The following FCHSD2 variants were observed in gnomAD, a reference collection of about 807,000 sequenced individuals.
FCHSD2 encodes the protein F-BAR and double SH3 domains protein 2.
FCHSD2 carries 38 observed loss-of-function variants against 108.1 expected under a neutral mutation model. The ratio of observed to expected loss-of-function variants is 0.35; its 90% CI spans 0.27 to 0.46. The LOEUF (loss-of-function observed/expected upper bound fraction) is 0.46, where lower values mean the gene tolerates loss of function less well. Among genes scored for constraint, FCHSD2 ranks in the 20% least tolerant of loss-of-function variants. The pLI, the probability that FCHSD2 is intolerant of heterozygous loss-of-function variation, is 1.00. For missense variants in FCHSD2, 751 were observed against 897.8 expected (o/e 0.84, Z 2.09); for synonymous variants, 279 against 314.7 (o/e 0.89, Z 1.20).
At chr11:72,977,542 C>A (rs1407573616) in intron 8 of FCHSD2, among the ~76,000 whole-genome samples, 1 of 152,160 alleles carries the variant, frequency 6.6e-6, no homozygotes, top group African/African-American at 2.4e-5. Context: ...TCATCACTGG[C>A]CATCAGAGAA....
intron 13 of FCHSD2, among the ~76,000 whole-genome samples, 157 bp downstream of exon 13, chr11:72,867,708 A>AT (rs1209600429): frequency 6.6e-6 from 1 of 152,188 alleles, no homozygotes; most frequent in East Asian, 1.9e-4. Flanking sequence ...TCCCGCAATA[A>AT]TTTTAAATCA....
At chr11:73,042,990 C>T (rs957680089) in intron 3 of FCHSD2, among the ~76,000 whole-genome samples, 2 of 152,086 alleles carry the variant, frequency 1.3e-5, no homozygotes, top group Non-Finnish European at 2.9e-5. Flanking sequence ...GAGGTCATGT[C>T]ATCTGCAAAG....
chr11:72,905,777 T>C (rs1855616498), intron 9 of FCHSD2, among the ~76,000 whole-genome samples: 1 of 152,226 alleles, frequency 6.6e-6, no homozygotes, highest in African/African-American at 2.4e-5. Context: ...CTCACCCCTT[T>C]TTATGGCTGC....
chr11:72,843,717 A>G, intron 14 of FCHSD2, 185 bp from the exon 15 acceptor site: 1 of 580,210 alleles, frequency 1.7e-6, no homozygotes, highest in Admixed American at 3.1e-5. Context: ...AACTAAACAG[A>G]ATAAAACCAT....
At chr11:72,992,746 CAA>C (rs1306736608) in intron 5 of FCHSD2, among the ~76,000 whole-genome samples, 3 of 152,134 alleles carry the variant, frequency 2.0e-5, no homozygotes, top group African/African-American at 7.2e-5. Context: ...ACACCTTATA[CAA>C]AAATTAATTC....
intron 8 of FCHSD2, among the ~76,000 whole-genome samples, chr11:72,929,047 T>G (rs1856136689): frequency 6.6e-6 from 1 of 152,228 alleles, no homozygotes; most frequent in Admixed American, 6.5e-5. Context: ...ACAAAGGACA[T>G]GAACTCATCA....
intron 8 of FCHSD2, among the ~76,000 whole-genome samples, chr11:72,960,272 G>A (rs912447838): frequency 3.9e-5 from 6 of 152,090 alleles, no homozygotes; most frequent in East Asian, 1.9e-4. Context: ...GGCACTAAGC[G>A]ATTCATGAGG....
At chr11:72,908,758 C>T (rs1265972738) in intron 9 of FCHSD2, among the ~76,000 whole-genome samples, 1 of 152,110 alleles carries the variant, frequency 6.6e-6, no homozygotes, top group African/African-American at 2.4e-5. Flanking sequence ...CCTCTGCCTC[C>T]CTGGCTCAAG....
At chr11:73,019,878 T>C (rs563205721) in intron 3 of FCHSD2, among the ~76,000 whole-genome samples, 2 of 152,336 alleles carry the variant, frequency 1.3e-5, no homozygotes, top group South Asian at 4.1e-4. Context: ...ATTAATTTGC[T>C]AAGGAAAATA....
intron 3 of FCHSD2, among the ~76,000 whole-genome samples, chr11:73,053,538 T>C (rs1262774376): frequency 6.6e-6 from 1 of 152,222 alleles, no homozygotes; most frequent in East Asian, 1.9e-4. Context: ...AAACTGAGTG[T>C]TGTTAAAACA....
At chr11:72,924,400 C>T (rs1263487183) in intron 8 of FCHSD2, among the ~76,000 whole-genome samples, 1 of 151,830 alleles carries the variant, frequency 6.6e-6, no homozygotes, top group Non-Finnish European at 1.5e-5. Context: ...GCCGCAGCCT[C>T]CCGAGTAGCT....
intron 10 of FCHSD2, among the ~76,000 whole-genome samples, chr11:72,899,173 T>C (rs1372386381): frequency 1.3e-5 from 2 of 152,228 alleles, no homozygotes; most frequent in African/African-American, 4.8e-5. Flanking sequence ...TAGCACGAAA[T>C]AAATGTTCAA....
At chr11:72,888,720 G>A (rs895496216) in intron 11 of FCHSD2, among the ~76,000 whole-genome samples, 1 of 151,544 alleles carries the variant, frequency 6.6e-6, no homozygotes, top group Non-Finnish European at 1.5e-5. Flanking sequence ...CCGGGCTCAA[G>A]CAATTCTCCC....
chr11:72,854,489 T>C (rs181837962), intron 13 of FCHSD2, among the ~76,000 whole-genome samples: 1 of 152,314 alleles, frequency 6.6e-6, no homozygotes, highest in Non-Finnish European at 1.5e-5. Flanking sequence ...TGGAGTGCAA[T>C]GGTGCGATCA....
intron 10 of FCHSD2, among the ~76,000 whole-genome samples, chr11:72,893,828 A>G (rs1225503657): frequency 1.3e-5 from 2 of 152,156 alleles, no homozygotes; most frequent in African/African-American, 4.8e-5. Flanking sequence ...TTATTAAATA[A>G]CTTTGAAGAA....
intron 13 of FCHSD2, among the ~76,000 whole-genome samples, chr11:72,862,537 A>G (rs868364986): frequency 4.6e-5 from 7 of 152,350 alleles, no homozygotes; most frequent in Middle Eastern, 3.4e-3. Flanking sequence ...GATATGCAAG[A>G]TCTATCTACT....
chr11:73,076,804 T>C (rs1177106883), intron 3 of FCHSD2, among the ~76,000 whole-genome samples: 1 of 152,116 alleles, frequency 6.6e-6, no homozygotes, highest in Non-Finnish European at 1.5e-5. Context: ...AGCTGGGTGA[T>C]AGCTAATAAG....
Position 73,091,804 on chromosome 11 carries a change from C to T in FCHSD2, c.120-8064G>A, listed in dbSNP as rs1461757172. ...CCTGTAATCCCAGTACTTTGGGAGG[C>T]CGAGGCAGGTGGATGACTTGAGGTC... On this transcript the variant is annotated intron_variant, in intron 2 of 19. Coordinates refer to ENST00000409418, the MANE Select transcript of FCHSD2 (RefSeq NM_014824.3). Among the ~76,000 whole-genome samples, 6 of 152,032 alleles carry T rather than the reference C, an allele frequency of 3.9e-5. No homozygotes were observed. In the South Asian group the frequency reaches 1.2e-3, roughly 32 times the overall value.
chr11:73,051,868 AACAC>A (rs61511109), intron 3 of FCHSD2, among the ~76,000 whole-genome samples: 22,186 of 141,586 alleles, frequency 0.16, 1,835 homozygotes, highest in South Asian at 0.19. Flanking sequence ...ACGGTATATA[AACAC>A]ACACACACAC....
Sources: allele counts gnomAD v4.1 joint callset (sites outside exome capture counted in the v4.1 genomes callset), GRCh38; gene constraint gnomAD v4.1.1; transcripts MANE v1.5; gene names NCBI Gene and HGNC (gene_info 2026-07-23, HGNC 2026-07-21).